The following PSMG2 variants were observed in gnomAD, a reference collection of about 807,000 sequenced individuals.
PSMG2 encodes the protein proteasome assembly chaperone 2.
A neutral mutation model predicts 31.5 loss-of-function variants in PSMG2; 21 were observed. The observed-to-expected ratio is 0.67, with a 90% CI of 0.47 to 0.96. The LOEUF is 0.96. PSMG2 is among the 40% of genes least tolerant of loss of function. The probability of loss-of-function intolerance (pLI) is 0.00; values close to 1 mark genes in which losing one functional copy is unlikely to be tolerated. For missense variants in PSMG2, 318 were observed against 321.2 expected (o/e 0.99, Z 0.08); for synonymous variants, 120 against 110.4 (o/e 1.09, Z -0.54).
At chr18:12,697,238 CCA>C in intron 1 of PSMG2, 2 of 1,612,782 alleles carry the variant, frequency 1.2e-6, no homozygotes, top group East Asian at 4.5e-5. Flanking sequence ...CCCATAAGTT[CCA>C]CAGTCAGACT....
At chr18:12,674,230 A>G (rs1568009450) in intron 1 of PSMG2, among the ~76,000 whole-genome samples, 1 of 151,970 alleles carries the variant, frequency 6.6e-6, no homozygotes, top group Non-Finnish European at 1.5e-5. Flanking sequence ...TGAGCCCAGG[A>G]GTTCAAGACC....
chr18:12,703,456 C>T (rs913513372), intron 1 of PSMG2, among the ~76,000 whole-genome samples: 2 of 152,146 alleles, frequency 1.3e-5, no homozygotes, highest in Admixed American at 6.5e-5. Flanking sequence ...GCAGGGCATC[C>T]TTCAGTTTTA....
intron 1 of PSMG2, chr18:12,673,508 T>C (rs752598071): frequency 1.3e-6 from 2 of 1,564,672 alleles, no homozygotes; most frequent in Non-Finnish European, 1.7e-6. Context: ...GGAGATCTAT[T>C]TAAGAAAAAA....
At chr18:12,704,601 T>C (rs1490543350) in intron 1 of PSMG2, among the ~76,000 whole-genome samples, 2 of 152,064 alleles carry the variant, frequency 1.3e-5, no homozygotes, top group Non-Finnish European at 2.9e-5. Context: ...AAAACTTTTT[T>C]TTAATAAGAG....
At chr18:12,677,940 A>G (rs925108859) in intron 1 of PSMG2, among the ~76,000 whole-genome samples, 10 of 152,200 alleles carry the variant, frequency 6.6e-5, no homozygotes, top group Admixed American at 6.6e-4. Flanking sequence ...TTTGAGTCTC[A>G]GAACTTGAAC....
upstream of PSMG2, chr18:12,700,461 T>C (rs557516817): frequency 2.0e-5 from 3 of 153,230 alleles, no homozygotes; most frequent in South Asian, 2.1e-4. Flanking sequence ...TACTTACTAA[T>C]TGTGCACTGA....
At chr18:12,702,498 C>T (rs993716068), upstream of PSMG2, 2 of 1,609,754 alleles carry the variant, frequency 1.2e-6, no homozygotes, top group Non-Finnish European at 1.7e-6. Flanking sequence ...TGCTCAGCTG[C>T]TGGTGGATGA....
intron 1 of PSMG2, among the ~76,000 whole-genome samples, chr18:12,661,117 G>A (rs1227827732): frequency 6.6e-6 from 1 of 152,112 alleles, no homozygotes; most frequent in African/African-American, 2.4e-5. Flanking sequence ...AGACCAGCCT[G>A]GCCAACATGG....
chr18:12,691,569 T>C (rs2145071320), intron 1 of PSMG2: 1 of 999,594 alleles, frequency 1.0e-6, no homozygotes, highest in South Asian at 1.6e-5. Flanking sequence ...TATCTACTTC[T>C]CTACATCATT....
chr18:12,713,060 T>A (rs1312216180), intron 3 of PSMG2, among the ~76,000 whole-genome samples: 1 of 152,212 alleles, frequency 6.6e-6, no homozygotes, highest in Non-Finnish European at 1.5e-5. Context: ...TTTCAGCTGG[T>A]GGCATCTACA....
At chr18:12,695,412 A>C in intron 1 of PSMG2, 1 of 727,190 alleles carries the variant, frequency 1.4e-6, no homozygotes, top group Non-Finnish European at 2.2e-6. Flanking sequence ...TAGTCAACCA[A>C]AGTCTAACCA....
rs760129488 is a variant in PSMG2, at chr18:12,725,481, A to G, written c.745A>G (p.Ser249Gly). ...ATCTGCCTCACGGTGGAAAATACCA[A>G]GTTCTTGGAGATTACTCTTTGGCAG... ...TVSASRWKIP[S>G]SWRLLFGSGL... The change falls in exon 7 of 7, where the codon AGT becomes GGT. Residue 249 changes from serine (S) to glycine (G), a missense_variant. Transcript: ENST00000317615. 3 of 1,607,230 alleles carry G rather than the reference A, an allele frequency of 1.9e-6. No homozygotes were observed. The highest frequency in any genetic ancestry group is 2.6e-6 in the Non-Finnish European group (3 of 1,173,986).
intron 3 of PSMG2, among the ~76,000 whole-genome samples, chr18:12,717,005 A>G (rs1168294483): frequency 7.1e-6 from 1 of 140,068 alleles, no homozygotes; most frequent in Non-Finnish European, 1.5e-5. Context: ...GCTGGAGTGC[A>G]GTGGCACAAC....
At chr18:12,725,404 T>C in intron 6 of PSMG2, 35 bp from the exon 7 acceptor site, 4 of 1,478,366 alleles carry the variant, frequency 2.7e-6, no homozygotes, top group Non-Finnish European at 3.7e-6. Flanking sequence ...GATGGTAAAG[T>C]TTAAAGATTA....
intron 1 of PSMG2, among the ~76,000 whole-genome samples, chr18:12,693,604 G>GA (rs765415052): frequency 2.5e-4 from 38 of 152,070 alleles, no homozygotes; most frequent in Non-Finnish European, 4.9e-4. Context: ...CCAACATGGT[G>GA]AAACCCTGTC....
chr18:12,684,485 GTT>G (rs34972678), intron 1 of PSMG2: 10 of 142,108 alleles, frequency 7.0e-5, no homozygotes, highest in Admixed American at 7.1e-5. Flanking sequence ...ATAGTTTTTT[GTT>G]TTTTTTTTTT....
intron 3 of PSMG2, 27 bp downstream of exon 3, chr18:12,712,787 G>T (rs1568042431): frequency 6.5e-7 from 1 of 1,529,126 alleles, no homozygotes; most frequent in Non-Finnish European, 9.0e-7. Flanking sequence ...TTGCCTTTTT[G>T]TTTATTAAAG....
chr18:12,725,439 A>C lies in PSMG2; in HGVS notation c.703A>C (p.Ser235Arg), dbSNP rs773873917. The C allele has an allele frequency of 6.4e-7, 1 of 1,573,998 alleles. No homozygotes were observed. The highest frequency in any genetic ancestry group is 8.7e-7 in the Non-Finnish European group (1 of 1,147,522). Residue 235 changes from serine (S) to arginine (R), a missense_variant and splice_region_variant, in exon 7 of 7, where the codon AGC becomes CGC. By Grantham distance (110) the Ser-to-Arg change is moderately radical. Transcript: ENST00000317615. The stretch of plus-strand genomic sequence containing the variant: ...AAAATATTTTGTTCTTCAATTACAG[A>C]GCGATGACCCCACAGTATCTGCCTC... ...NEWLQILKPL[S>R]DDPTVSASRW...
intron 1 of PSMG2, chr18:12,691,454 CTT>C: frequency 1.2e-6 from 2 of 1,605,460 alleles, no homozygotes; most frequent in Non-Finnish European, 1.7e-6. Flanking sequence ...AATAATCGCT[CTT>C]TCTCTGCAGT....
Sources: allele counts gnomAD v4.1 joint callset (sites outside exome capture counted in the v4.1 genomes callset), GRCh38; gene constraint gnomAD v4.1.1; transcripts MANE v1.5; gene names NCBI Gene and HGNC (gene_info 2026-07-23, HGNC 2026-07-21).